Variants in MROH2B observed in about 807,000 individuals in gnomAD.
MROH2B encodes the protein maestro heat like repeat family member 2B, also known as maestro heat-like repeat-containing protein family member 2B.
MROH2B carries 177 observed loss-of-function variants against 208.6 expected under a neutral mutation model. The ratio of observed to expected loss-of-function variants is 0.85; its 90% CI spans 0.75 to 0.96. The LOEUF (loss-of-function observed/expected upper bound fraction) is 0.96, where lower values mean the gene tolerates loss of function less well. Ranked by LOEUF, MROH2B falls within the 40% of genes least tolerant of loss-of-function variation. MROH2B has a pLI of 0.00. For synonymous variants in MROH2B, 728 were observed against 659.0 expected, an observed-to-expected ratio of 1.10 and a Z score of -1.60; for missense variants, 2,002 against 1,878.7, an observed-to-expected ratio of 1.07 and a Z score of -1.21.
intron 10 of MROH2B, 55 bp downstream of exon 10, chr5:41,055,687 T>C: frequency 7.5e-7 from 1 of 1,331,740 alleles, no homozygotes; most frequent in South Asian, 1.2e-5. Flanking sequence ...TGCATAGGCT[T>C]CAGTCTGCTT....
intron 12 of MROH2B, 98 bp downstream of exon 12, chr5:41,052,367 T>C: frequency 8.4e-7 from 1 of 1,192,512 alleles, no homozygotes; most frequent in African/African-American, 1.6e-5. Context: ...TCTACTCCTG[T>C]GACAGATTAA....
rs756617579 is a variant in MROH2B at position 41,033,180 on chromosome 5, A to C, written c.2242-20T>G. ...CATGTCCTAAAGCAAAAGCATTTAC[A>C]ATGCAAGTCAAGGTCTAAGACACCA... On this transcript the variant is annotated intron_variant, in intron 22 of 41. Transcript: ENST00000399564. 4 of 1,611,236 alleles carry C rather than the reference A, an allele frequency of 2.5e-6. No homozygotes were observed. The highest frequency in any genetic ancestry group is 2.5e-6 in the Non-Finnish European group (3 of 1,178,490).
At chr5:41,000,139 T>C (rs1741339746) in intron 39 of MROH2B, 81 bp downstream of exon 39, 1 of 1,560,140 alleles carries the variant, frequency 6.4e-7, no homozygotes, top group Non-Finnish European at 8.7e-7. Flanking sequence ...CAGAAATTCC[T>C]TGCTACATTG....
At position 41,018,349 on chromosome 5, in the gene MROH2B, CAT is replaced by C. The variant is rs1742024962; in HGVS notation, c.2753_2754del (p.Asn918ArgfsTer3). ...TCTAGGGGATTACTTACCTCAATAT[CAT>C]TTGTCAGCACTTTCGCAGTGATCTG... ...AFQITAKVLT[N>X]DIEAPENFKI... On this transcript the variant is annotated frameshift_variant, in exon 27 of 42. Coordinates refer to ENST00000399564, the MANE Select transcript of MROH2B (RefSeq NM_173489.5). LOFTEE classifies it high-confidence loss of function. 6.2e-7 allele frequency: 1 copy of C among 1,612,252 alleles called. No homozygotes were observed. Among genetic ancestry groups the C allele is most frequent in the Non-Finnish European group, 8.5e-7 (1 of 1,179,306 alleles).
chr5:41,049,542 T>A (rs1050973876), intron 13 of MROH2B, 106 bp from the exon 14 acceptor site: 23 of 1,404,166 alleles, frequency 1.6e-5, no homozygotes, highest in Non-Finnish European at 2.1e-5. Flanking sequence ...TCTCCTGTTA[T>A]TATTTTGCTT....
intron 20 of MROH2B, 38 bp downstream of exon 20, chr5:41,039,410 T>G (rs755829812): frequency 2.4e-5 from 30 of 1,267,534 alleles, no homozygotes; most frequent in Non-Finnish European, 3.2e-5. Flanking sequence ...TGTCTGGCCT[T>G]GCAATACTGA....
intron 15 of MROH2B, among the ~76,000 whole-genome samples, chr5:41,048,676 A>G (rs993970918): frequency 1.3e-5 from 2 of 152,216 alleles, no homozygotes; most frequent in African/African-American, 4.8e-5. Flanking sequence ...ATAAAGGTGA[A>G]AAAAATACAT....
chr5:41,005,465 C>A (rs974551280), intron 35 of MROH2B, 66 bp downstream of exon 35: 27 of 817,822 alleles, frequency 3.3e-5, no homozygotes, highest in Non-Finnish European at 4.5e-5. Context: ...ACACTGGGCT[C>A]CAGACCATAA....
At chr5:41,008,285 C>T (rs914802157) in intron 33 of MROH2B, among the ~76,000 whole-genome samples, 1 of 151,990 alleles carries the variant, frequency 6.6e-6, no homozygotes, top group African/African-American at 2.4e-5. Flanking sequence ...TCTTTTTTCC[C>T]TGGTGGCCTT....
chr5:41,070,353 G>A (rs979609069), intron 1 of MROH2B, among the ~76,000 whole-genome samples: 2 of 152,104 alleles, frequency 1.3e-5, no homozygotes, highest in Non-Finnish European at 2.9e-5. Flanking sequence ...AAAAAAAATT[G>A]AGTCAAAGGA....
chr5:41,008,545 A>C, intron 33 of MROH2B, 61 bp downstream of exon 33: 11 of 1,566,704 alleles, frequency 7.0e-6, no homozygotes, highest in Non-Finnish European at 9.6e-6. Context: ...CTTCTGCAGC[A>C]CCACTCCTGG....
chr5:41,004,298 C>T, intron 37 of MROH2B, 48 bp downstream of exon 37: 3 of 1,582,956 alleles, frequency 1.9e-6, no homozygotes, highest in Non-Finnish European at 2.6e-6. Flanking sequence ...AAACCTGTTT[C>T]TGTTCACTCA....
Position 41,004,534 on chromosome 5 carries a change from T to G in MROH2B, c.4012-6A>C. ...AACTGCTTATGTTTCTTCACCTATTTTGAAATAAGACCTCTTAATCTTGAA... is the reference window on the plus strand; with the variant it reads ...AACTGCTTATGTTTCTTCACCTATTGTGAAATAAGACCTCTTAATCTTGAA... On this transcript the variant is annotated splice_region_variant and splice_polypyrimidine_tract_variant and intron_variant, in intron 36 of 41. Transcript: ENST00000399564. 1 of 1,604,006 alleles carries G rather than the reference T, an allele frequency of 6.2e-7. No homozygotes were observed. The highest frequency in any genetic ancestry group is 1.7e-4 in the Middle Eastern group (1 of 5,992).
intron 11 of MROH2B, among the ~76,000 whole-genome samples, chr5:41,053,502 A>T (rs1743345594): frequency 6.6e-6 from 1 of 152,152 alleles, no homozygotes; most frequent in African/African-American, 2.4e-5. Context: ...TCTCTGGAGG[A>T]TAGAAACATG....
chr5:41,033,302 G>A, intron 22 of MROH2B, 142 bp from the exon 23 acceptor site: 2 of 1,205,286 alleles, frequency 1.7e-6, no homozygotes, highest in Non-Finnish European at 2.3e-6. Flanking sequence ...CCAGACTAGG[G>A]TCTAAGTTGC....
chr5:41,029,981 T>C (rs1162086881), intron 24 of MROH2B, among the ~76,000 whole-genome samples: 1 of 151,696 alleles, frequency 6.6e-6, no homozygotes, highest in Non-Finnish European at 1.5e-5. Context: ...AAACAAAAAC[T>C]TTTGTGCATC....
intron 35 of MROH2B, 56 bp downstream of exon 35, chr5:41,005,475 A>C: frequency 1.0e-4 from 117 of 1,119,200 alleles, no homozygotes; most frequent in Non-Finnish European, 1.3e-4. Flanking sequence ...CCAGACCATA[A>C]GAGAAATACC....
chr5:41,015,382 T>G lies in MROH2B; in HGVS notation c.2981A>C (p.Lys994Thr). 6.2e-7 allele frequency: 1 copy of G among 1,613,076 alleles called. No individual in the cohort carries two copies. Among genetic ancestry groups the G allele is most frequent in the Non-Finnish European group, 8.5e-7 (1 of 1,179,376 alleles). The part of the protein sequence containing the change: ...VQIKISSKIA[K>T]IVSKFIPNEE... ...CCCTGGCCACTCCATATTTATTACC[T>G]TAGCTATTTTAGAAGAAATCTTGAT... is the stretch of plus-strand genomic sequence containing the variant. The change falls in exon 29 of 42, where the codon AAG becomes ACG. Residue 994 changes from lysine (K) to threonine (T), a missense_variant and splice_region_variant. Transcript: ENST00000399564.
chr5:41,061,561 C>T lies in MROH2B; in HGVS notation c.615+9G>A. 2 of 1,600,518 alleles carry T rather than the reference C, an allele frequency of 1.2e-6. No homozygotes were observed. The highest frequency in any genetic ancestry group is 2.7e-5 in the African/African-American group (2 of 74,620). On this transcript the variant is annotated intron_variant, in intron 6 of 41. Transcript: ENST00000399564. ...ACATCCAGCTTGAGGCATCCTGAGG[C>T]CCACTCACCTGCATGGGTGAGGCCA...
Sources: gnomAD v4.1 joint callset for allele counts (sites outside exome capture counted in the v4.1 genomes callset) on GRCh38, gnomAD v4.1.1 for gene constraint, MANE v1.5 for transcripts, NCBI Gene and HGNC (gene_info 2026-07-23, HGNC 2026-07-21) for gene names.